Variants in SASS6 observed in about 807,000 individuals in gnomAD.
The protein encoded by SASS6 is spindle assembly abnormal protein 6 homolog.
A neutral mutation model predicts 94.9 loss-of-function variants in SASS6; 59 were observed. That is an observed-to-expected ratio of 0.62 (90% confidence interval 0.50 to 0.77). The LOEUF (loss-of-function observed/expected upper bound fraction) is 0.77, where lower values mean the gene tolerates loss of function less well. Among genes scored for constraint, SASS6 ranks in the 30% least tolerant of loss-of-function variants. The probability of loss-of-function intolerance (pLI) is 0.00; values close to 1 mark genes in which losing one functional copy is unlikely to be tolerated. For missense variants in SASS6, 698 were observed against 734.1 expected (o/e 0.95, Z 0.57); for synonymous variants, 264 against 270.0 (o/e 0.98, Z 0.22).
intron 7 of SASS6, among the ~76,000 whole-genome samples, chr1:100,113,935 A>T (rs928132146): frequency 6.6e-6 from 1 of 152,102 alleles, no homozygotes; most frequent in Non-Finnish European, 1.5e-5. Flanking sequence ...CTGAGGCAGG[A>T]GGATTGCCTA....
At position 100,085,332 on chromosome 1, in the gene SASS6, CTGTT is replaced by C. The variant is rs1300836151; in HGVS notation, c.1966_1969del (p.Asn656ValfsTer14). On this transcript the variant is annotated frameshift_variant, in exon 17 of 17. Coordinates refer to ENST00000287482, the MANE Select transcript of SASS6 (RefSeq NM_194292.3). LOFTEE classifies it high-confidence loss of function. The stretch of plus-strand genomic sequence containing the variant: ...AAGTAAAACATGACACTAGAATTAA[CTGTT>C]TGGTAACTGCCCAGGGAAATAGGCT... 18 of 1,598,012 alleles carry C rather than the reference CTGTT, an allele frequency of 1.1e-5. No individual in the cohort carries two copies. Among genetic ancestry groups the C allele is most frequent in the East Asian group, 4.5e-5 (2 of 44,802 alleles).
At chr1:100,115,743 G>A (rs992288495) in intron 7 of SASS6, among the ~76,000 whole-genome samples, 6 of 152,064 alleles carry the variant, frequency 3.9e-5, no homozygotes, top group South Asian at 2.1e-4. Flanking sequence ...CAGAAGGATC[G>A]CTGGAGGTTG....
At position 100,107,658 on chromosome 1, in the gene SASS6, T is replaced by C; in HGVS notation, c.1116A>G (p.Thr372=). ...NQVQLGKLEA[T]IKSLSAELLK... is the part of the protein sequence containing the mutation. ...GAAGTTCTGCAGATAATGATTTTATTGTAGCTTCAAGCTTTCCTAGTTGTA... is the reference window on the plus strand; with the variant it reads ...GAAGTTCTGCAGATAATGATTTTATCGTAGCTTCAAGCTTTCCTAGTTGTA... Residue 372 remains threonine, a synonymous_variant, in exon 10 of 17, where the codon ACA becomes ACG. Transcript: ENST00000287482. The C allele has an allele frequency of 6.2e-7, 1 of 1,605,330 alleles. No individual in the cohort carries two copies. The highest frequency in any genetic ancestry group is 1.1e-5 in the South Asian group (1 of 88,784).
intron 14 of SASS6, among the ~76,000 whole-genome samples, chr1:100,096,720 C>A (rs1652133372): frequency 6.6e-6 from 1 of 152,114 alleles, no homozygotes; most frequent in South Asian, 2.1e-4. Flanking sequence ...TCAAAAGATT[C>A]AAATAGAAAT....
At position 100,132,862 on chromosome 1, in the gene SASS6, G is replaced by T; in HGVS notation, c.-48C>A. 1 of 1,557,386 alleles carries T rather than the reference G, an allele frequency of 6.4e-7. No individual in the cohort carries two copies. Among genetic ancestry groups the T allele is most frequent in the Non-Finnish European group, 8.9e-7 (1 of 1,128,990 alleles). On this transcript the variant is annotated 5_prime_UTR_variant, in exon 1 of 17. Transcript: ENST00000287482. ...TGTGCAGAAAAGCCCAACAGGCCCG[G>T]CCCTCGGGATTAGCCTGAGAGGTCC...
intron 5 of SASS6, 55 bp downstream of exon 5, chr1:100,121,323 T>C (rs1654180018): frequency 2.9e-6 from 3 of 1,044,516 alleles, no homozygotes; most frequent in African/African-American, 3.3e-5. Flanking sequence ...CAATAATTTA[T>C]CAAAGACCAT....
intron 14 of SASS6, among the ~76,000 whole-genome samples, chr1:100,098,531 T>A (rs760575548): frequency 1.3e-5 from 2 of 152,138 alleles, no homozygotes; most frequent in African/African-American, 4.8e-5. Context: ...TACAATAAGA[T>A]ACTATTTTAG....
At chr1:100,126,323 T>C (rs1176097069) in intron 1 of SASS6, among the ~76,000 whole-genome samples, 1 of 152,216 alleles carries the variant, frequency 6.6e-6, no homozygotes, top group Non-Finnish European at 1.5e-5. Context: ...TGGGGATGTT[T>C]TGAGGATTAA....
intron 14 of SASS6, among the ~76,000 whole-genome samples, chr1:100,095,472 G>A (rs1652043861): frequency 6.6e-6 from 1 of 152,184 alleles, no homozygotes; most frequent in Admixed American, 6.5e-5. Flanking sequence ...GACAGAAGTT[G>A]CAGTGAGCCA....
At chr1:100,087,451 A>G (rs972761526) in intron 15 of SASS6, among the ~76,000 whole-genome samples, 27 of 152,212 alleles carry the variant, frequency 1.8e-4, no homozygotes, top group Admixed American at 1.8e-3. Flanking sequence ...AAGCCATTAA[A>G]TTTAATAAAT....
chr1:100,108,398 T>G (rs1022329642), intron 8 of SASS6, among the ~76,000 whole-genome samples: 13 of 152,152 alleles, frequency 8.5e-5, no homozygotes, highest in African/African-American at 3.1e-4. Flanking sequence ...TTTTAAAGGT[T>G]GATACTCTGC....
At position 100,123,265 on chromosome 1, in the gene SASS6, C is replaced by A; in HGVS notation, c.151G>T (p.Asp51Tyr). ...TTATATAAAAAAAATGGATCCGTGT[C>A]ATCAGTCAGACGAATAACTAAGTCC... is the stretch of plus-strand genomic sequence containing the variant. ...RKDLVIRLTDDTDPFFLYNLV... is the reference protein window; with the variant it reads ...RKDLVIRLTDYTDPFFLYNLV... The change falls in exon 3 of 17, where the codon GAC becomes TAC. Residue 51 changes from aspartate to tyrosine, a missense_variant. Asp to Tyr is a radical substitution (Grantham distance 160). Transcript: ENST00000287482. 1 of 1,557,542 alleles carries A rather than the reference C, an allele frequency of 6.4e-7. No individual in the cohort carries two copies. Among genetic ancestry groups the A allele is most frequent in the South Asian group, 1.2e-5 (1 of 86,558 alleles).
At chr1:100,104,783 T>TAAA (rs546359132) in intron 13 of SASS6, among the ~76,000 whole-genome samples, 10 of 127,300 alleles carry the variant, frequency 7.9e-5, no homozygotes, top group African/African-American at 2.8e-4. Flanking sequence ...TTTCTCAGGT[T>TAAA]AAAAAAAAAA....
At chr1:100,111,097 G>C (rs72973332) in intron 7 of SASS6, among the ~76,000 whole-genome samples, 6,282 of 151,938 alleles carry the variant, frequency 0.041, 325 homozygotes, top group African/African-American at 0.12. Context: ...CGAACACTAT[G>C]AAATCCTAAA....
At chr1:100,111,388 G>A (rs1353734806) in intron 7 of SASS6, among the ~76,000 whole-genome samples, 1 of 151,864 alleles carries the variant, frequency 6.6e-6, no homozygotes, top group Non-Finnish European at 1.5e-5. Context: ...AAAATTCTTT[G>A]TAAAGTCTTT....
chr1:100,101,781 G>A (rs898210428), intron 14 of SASS6, among the ~76,000 whole-genome samples: 4 of 152,086 alleles, frequency 2.6e-5, no homozygotes, highest in African/African-American at 9.7e-5. Flanking sequence ...CAGTATTCCA[G>A]GCATAAAAAC....
chr1:100,112,249 T>A (rs138541158), intron 7 of SASS6, among the ~76,000 whole-genome samples: 344 of 152,098 alleles, frequency 2.3e-3, no homozygotes, highest in African/African-American at 7.8e-3. Flanking sequence ...GAATATTAGA[T>A]GAGAAAAATG....
In SASS6 at chr1:100,085,414, A is replaced by G; in HGVS notation, c.1888T>C (p.Leu630=). The G allele has an allele frequency of 6.2e-7, 1 of 1,612,724 alleles. No homozygotes were observed. Among genetic ancestry groups the G allele is most frequent in the Non-Finnish European group, 8.5e-7 (1 of 1,178,780 alleles). The change falls in exon 17 of 17, where the codon TTA becomes CTA. Residue 630 remains leucine, a synonymous_variant. Coordinates refer to ENST00000287482, the MANE Select transcript of SASS6 (RefSeq NM_194292.3). ...TTGGAAGATGTATGTAATGCTCCTAAAGTGCCATCTCTCTGATGGTCTGCA... is the reference window on the plus strand; with the variant it reads ...TTGGAAGATGTATGTAATGCTCCTAGAGTGCCATCTCTCTGATGGTCTGCA... ...SNSDHQRDGT[L]GALHTSSKPT... is the part of the protein sequence containing the mutation.
At chr1:100,106,736 C>T (rs1652938897) in intron 12 of SASS6, among the ~76,000 whole-genome samples, 176 bp downstream of exon 12, 1 of 152,044 alleles carries the variant, frequency 6.6e-6, no homozygotes. Flanking sequence ...ACACCTTAGT[C>T]CCAGCTACTT....
Sources: allele counts gnomAD v4.1 joint callset (sites outside exome capture counted in the v4.1 genomes callset), GRCh38; gene constraint gnomAD v4.1.1; transcripts MANE v1.5; gene names NCBI Gene and HGNC (gene_info 2026-07-23, HGNC 2026-07-21).